KCND3: variants seen among roughly 807,000 people sequenced by gnomAD.
KCND3 encodes potassium voltage-gated channel subfamily D member 3.
Under a neutral mutation model 51.1 loss-of-function variants are expected in KCND3, and 9 were observed. That is an observed-to-expected ratio of 0.18 (90% CI 0.11 to 0.31). KCND3 has a LOEUF of 0.31. KCND3 is among the 10% of genes least tolerant of loss of function. KCND3 has a pLI of 1.00. For synonymous variants in KCND3, 349 were observed against 368.0 expected (o/e 0.95, Z 0.59); for missense variants, 526 against 903.8 (o/e 0.58, Z 5.36).
intron 2 of KCND3, among the ~76,000 whole-genome samples, chr1:111,960,877 G>A (rs903523487): frequency 2.0e-5 from 3 of 152,186 alleles, no homozygotes; most frequent in African/African-American, 7.2e-5. Context: ...AGGGAGGCCT[G>A]GGGCCATGGC....
chr1:111,924,162 C>T (rs993759142), intron 2 of KCND3, among the ~76,000 whole-genome samples: 3 of 152,222 alleles, frequency 2.0e-5, no homozygotes, highest in African/African-American at 7.2e-5. Context: ...CAAGCACCTG[C>T]GTGCCAGGCA....
intron 2 of KCND3, among the ~76,000 whole-genome samples, chr1:111,978,274 C>T (rs1204397945): frequency 6.6e-6 from 1 of 152,216 alleles, no homozygotes; most frequent in Non-Finnish European, 1.5e-5. Flanking sequence ...CTCTGTGCAT[C>T]AGTCGGCCCT....
intron 7 of KCND3, 134 bp downstream of exon 7, chr1:111,776,892 A>G: frequency 6.7e-7 from 1 of 1,503,742 alleles, no homozygotes; most frequent in Non-Finnish European, 9.0e-7. Context: ...GGAAAGGAGG[A>G]AGGTAGAGGG....
At chr1:111,792,043 A>G (rs1172523612) in intron 2 of KCND3, among the ~76,000 whole-genome samples, 1 of 152,212 alleles carries the variant, frequency 6.6e-6, no homozygotes, top group Non-Finnish European at 1.5e-5. Context: ...GTCGAGTTCC[A>G]GGCACTATAT....
At chr1:111,820,956 A>G (rs1368199207) in intron 2 of KCND3, among the ~76,000 whole-genome samples, 1 of 152,204 alleles carries the variant, frequency 6.6e-6, no homozygotes, top group East Asian at 1.9e-4. Context: ...GAACCTTCCA[A>G]GACCAACCAA....
At chr1:111,911,897 T>A (rs192516361) in intron 2 of KCND3, among the ~76,000 whole-genome samples, 2 of 152,356 alleles carry the variant, frequency 1.3e-5, no homozygotes, top group African/African-American at 4.8e-5. Flanking sequence ...CCCTACTGCC[T>A]GCATCGGATT....
intron 2 of KCND3, among the ~76,000 whole-genome samples, chr1:111,794,011 GT>G (rs751461034): frequency 6.6e-6 from 1 of 151,930 alleles, no homozygotes; most frequent in Non-Finnish European, 1.5e-5. Context: ...CCAGCCCAGA[GT>G]TAGGACTCAC....
intron 2 of KCND3, among the ~76,000 whole-genome samples, chr1:111,890,583 T>C (rs1669780261): frequency 6.6e-6 from 1 of 152,046 alleles, no homozygotes; most frequent in African/African-American, 2.4e-5. Flanking sequence ...AGATCAGCAA[T>C]GGAAATATAA....
chr1:111,888,681 C>CAA (rs34732548), intron 2 of KCND3, among the ~76,000 whole-genome samples: 1,174 of 103,554 alleles, frequency 0.011, 14 homozygotes, highest in Non-Finnish European at 0.016. Flanking sequence ...CACTCCATCT[C>CAA]AAAAAAAAAA....
In KCND3 at chr1:111,882,685, G is replaced by T. The variant is rs572401283; in HGVS notation, c.1107-95579C>A. Among the ~76,000 whole-genome samples the T allele has an allele frequency of 2.6e-5, 4 of 152,276 alleles. No individual in the cohort carries two copies. The East Asian group carries it at 7.7e-4, about 29-fold the overall frequency. ...GAGAGCAGCGGCTGTGCTGGGGGCG[G>T]ACAAAGGGAGAAGACAAAGATTATT... On this transcript the variant is annotated intron_variant, in intron 2 of 7. Coordinates refer to ENST00000302127, the MANE Select transcript of KCND3 (RefSeq NM_001378969.1).
At chr1:111,782,734 A>G (rs531171664) in intron 3 of KCND3, among the ~76,000 whole-genome samples, 1 of 152,160 alleles carries the variant, frequency 6.6e-6, no homozygotes, top group African/African-American at 2.4e-5. Context: ...CTAGAGATGA[A>G]AGATTCTCCT....
chr1:111,782,799 C>T (rs888531669), intron 3 of KCND3, among the ~76,000 whole-genome samples: 7 of 152,140 alleles, frequency 4.6e-5, no homozygotes, highest in African/African-American at 1.4e-4. Context: ...TCTATTAAAG[C>T]AACAGATTGT....
intron 7 of KCND3, 82 bp from the exon 8 acceptor site, chr1:111,776,360 C>T (rs953124606): frequency 1.8e-5 from 23 of 1,290,946 alleles, no homozygotes; most frequent in East Asian, 2.4e-5. Context: ...ATTTCTTGCT[C>T]GTGGTAACTA....
intron 2 of KCND3, among the ~76,000 whole-genome samples, chr1:111,891,336 G>A (rs1669811110): frequency 6.6e-6 from 1 of 152,204 alleles, no homozygotes; most frequent in Non-Finnish European, 1.5e-5. Flanking sequence ...GTGAGAGTCT[G>A]TTTGCAGGGA....
At position 111,872,126 on chromosome 1, in the gene KCND3, G is replaced by T. The variant is rs6685299; in HGVS notation, c.1107-85020C>A. ...AAGACACATTGTAAACACTTCACAT[G>T]TACTAATTCATTTGATCTTCACAAT... On this transcript the variant is annotated intron_variant, in intron 2 of 7. Coordinates refer to ENST00000302127, the MANE Select transcript of KCND3 (RefSeq NM_001378969.1). Among the ~76,000 whole-genome samples the T allele has an allele frequency of 4.7e-3, 712 of 152,358 alleles. 7 individuals carry two copies. Among genetic ancestry groups the T allele is most frequent in the African/African-American group, 0.016 (654 of 41,588 alleles).
chr1:111,889,953 G>A (rs2101759283), intron 2 of KCND3, among the ~76,000 whole-genome samples: 1 of 152,272 alleles, frequency 6.6e-6, no homozygotes, highest in East Asian at 1.9e-4. Context: ...ATGTCCTGAG[G>A]TGGAAGCATT....
Position 111,770,680 on chromosome 1 carries a change from A to G in KCND3, c.*5397T>C, listed in dbSNP as rs947238550. ...ACAGTCATTTTAGGGTTTGTGGCACATAATTTGTTTAATCCAGATTGGATA... is the reference window on the plus strand; with the variant it reads ...ACAGTCATTTTAGGGTTTGTGGCACGTAATTTGTTTAATCCAGATTGGATA... On this transcript the variant is annotated 3_prime_UTR_variant, in exon 8 of 8. Transcript: ENST00000302127. 2.0e-5 allele frequency: 3 copies of G among 152,240 alleles called. No homozygotes were observed. Among genetic ancestry groups the G allele is most frequent in the African/African-American group, 7.2e-5 (3 of 41,470 alleles). The allele number at this position is 152,240 out of a possible 1,614,324, so 9.4% of individuals were successfully genotyped here. A position where few individuals can be genotyped will look rare whatever the true frequency, so the allele number is the denominator to read the frequency against.
chr1:111,806,490 T>G (rs112149145), intron 2 of KCND3, among the ~76,000 whole-genome samples: 1,712 of 152,346 alleles, frequency 0.011, 32 homozygotes, highest in African/African-American at 0.039. Flanking sequence ...GTTAAAATTT[T>G]TAACCATTGT....
chr1:111,813,464 TG>T (rs1665947640), intron 2 of KCND3, among the ~76,000 whole-genome samples: 1 of 152,354 alleles, frequency 6.6e-6, no homozygotes, highest in Non-Finnish European at 1.5e-5. Flanking sequence ...CAGAGCCTCC[TG>T]ACCCTCTTCA....
Sources: gnomAD v4.1 joint callset for allele counts (sites outside exome capture counted in the v4.1 genomes callset) on GRCh38, gnomAD v4.1.1 for gene constraint, MANE v1.5 for transcripts, NCBI Gene and HGNC (gene_info 2026-07-23, HGNC 2026-07-21) for gene names.